Variants in EGF observed in about 807,000 individuals in gnomAD.
The protein encoded by EGF is pro-epidermal growth factor.
In EGF, 95 loss-of-function variants were observed where a neutral mutation model predicts 143.8. The observed-to-expected ratio is 0.66, with a 90% CI of 0.56 to 0.78. The LOEUF (loss-of-function observed/expected upper bound fraction) is 0.78. EGF is among the 30% of genes least tolerant of loss of function. The pLI is 0.00. For missense variants in EGF, 1,320 were observed against 1,470.9 expected (o/e 0.90, Z 1.68); for synonymous variants, 510 against 510.5 (o/e 1.00, Z 0.01).
intron 21 of EGF, among the ~76,000 whole-genome samples, chr4:110,000,283 G>A (rs980330798): frequency 6.7e-6 from 1 of 148,298 alleles, no homozygotes; most frequent in Non-Finnish European, 1.5e-5. Context: ...TGAAATAACA[G>A]TACAATTTTT....
In EGF at chr4:109,980,094, C is replaced by T; in HGVS notation, c.2176C>T (p.Leu726=). 6.2e-7 allele frequency: 1 copy of T among 1,613,456 alleles called. No homozygotes were observed. Among genetic ancestry groups the T allele is most frequent in the South Asian group, 1.1e-5 (1 of 90,906 alleles). Residue 726 remains leucine (L), a synonymous_variant, in exon 14 of 24, where the codon CTG becomes TTG. Coordinates refer to ENST00000265171, the MANE Select transcript of EGF (RefSeq NM_001963.6). The part of the protein sequence containing the change: ...KDRVRLQGSM[L]KPSSLVVVHP... ...TAGAGTACGTCTCCAAGGCAGCATG[C>T]TGAAGCCCTCATCACTGGTTGTGGT... is the stretch of plus-strand genomic sequence containing the variant.
chr4:110,005,900 A>C (rs910684249), intron 22 of EGF, among the ~76,000 whole-genome samples: 1 of 152,174 alleles, frequency 6.6e-6, no homozygotes, highest in Admixed American at 6.5e-5. Context: ...CCTACTCCCC[A>C]GCTCCCATCT....
chr4:109,999,321 C>A (rs1308028458), intron 20 of EGF, among the ~76,000 whole-genome samples: 1 of 152,156 alleles, frequency 6.6e-6, no homozygotes, highest in Non-Finnish European at 1.5e-5. Context: ...ACATTTGTTT[C>A]CAAAACTCCC....
At chr4:109,945,663 T>C (rs966514426) in intron 5 of EGF, among the ~76,000 whole-genome samples, 1 of 152,184 alleles carries the variant, frequency 6.6e-6, no homozygotes, top group Non-Finnish European at 1.5e-5. Context: ...GGGGAATGAA[T>C]AGCTCTCAAA....
At chr4:109,945,584 G>T (rs1742711194) in intron 5 of EGF, among the ~76,000 whole-genome samples, 2 of 151,822 alleles carry the variant, frequency 1.3e-5, no homozygotes, top group African/African-American at 2.4e-5. Context: ...AAAAACGAAA[G>T]AAAGAAAGAA....
chr4:110,000,250 C>CAAAA (rs754279332), intron 21 of EGF, among the ~76,000 whole-genome samples: 3 of 94,028 alleles, frequency 3.2e-5, no homozygotes, highest in African/African-American at 3.6e-5. Flanking sequence ...GACTCCGTGT[C>CAAAA]AAAAAAAAAA....
intron 16 of EGF, among the ~76,000 whole-genome samples, chr4:109,984,366 C>T (rs1175906553): frequency 6.6e-6 from 1 of 152,098 alleles, no homozygotes; most frequent in Non-Finnish European, 1.5e-5. Flanking sequence ...GTACCTCTTA[C>T]CTCACCTTAT....
chr4:109,966,704 C>T (rs1414680597), intron 10 of EGF, among the ~76,000 whole-genome samples: 1 of 151,954 alleles, frequency 6.6e-6, no homozygotes, highest in Non-Finnish European at 1.5e-5. Context: ...CCAACATCTG[C>T]TGTTTTTTAA....
At position 110,012,673 on chromosome 4, in the gene EGF, A is replaced by G. The variant is rs757293370; in HGVS notation, c.*1218A>G. Among the ~76,000 whole-genome samples the G allele has an allele frequency of 2.0e-5, 3 of 152,132 alleles. No homozygotes were observed. The highest frequency in any genetic ancestry group is 4.4e-5 in the Non-Finnish European group (3 of 68,020). On this transcript the variant is annotated 3_prime_UTR_variant, in exon 24 of 24. Coordinates refer to ENST00000265171, the MANE Select transcript of EGF (RefSeq NM_001963.6). ...ATTGTGATTGACTTTCAGCCTCCCA[A>G]CGTATTAGATTATAGGCATTAGCCA...
rs565591152 is a variant in EGF, at chr4:109,926,147, G to C, written c.127+12685G>C. 7.2e-4 allele frequency among the ~76,000 whole-genome samples: 110 copies of C among 152,094 alleles called. 1 individual carries two copies. The highest frequency in any genetic ancestry group is 1.3e-3 in the Non-Finnish European group (87 of 68,010). On this transcript the variant is annotated intron_variant, in intron 1 of 23. Transcript: ENST00000265171. ...AGCAGGAGGATTGCTTGAGGCCAGA[G>C]TTTGTGACCAGCCTAGGCAACATAG... is the stretch of plus-strand genomic sequence containing the variant.
chr4:109,944,247 G>C (rs1046958058), intron 4 of EGF, among the ~76,000 whole-genome samples, 178 bp downstream of exon 4: 8 of 152,204 alleles, frequency 5.3e-5, no homozygotes, highest in African/African-American at 1.9e-4. Context: ...AGACCATCCT[G>C]GCTAACACGG....
At chr4:109,968,253 T>C (rs1308908574) in intron 10 of EGF, among the ~76,000 whole-genome samples, 1 of 152,176 alleles carries the variant, frequency 6.6e-6, no homozygotes, top group Admixed American at 6.5e-5. Flanking sequence ...AAAGGAACTT[T>C]AGCAAATACC....
At chr4:109,987,608 C>T (rs1015820847) in intron 16 of EGF, 136 bp from the exon 17 acceptor site, 22 of 769,472 alleles carry the variant, frequency 2.9e-5, no homozygotes, top group African/African-American at 1.7e-5. Context: ...GTCAACTAAG[C>T]GTTTCTATTT....
intron 1 of EGF, among the ~76,000 whole-genome samples, chr4:109,915,626 T>C (rs1736512036): frequency 6.6e-6 from 1 of 152,226 alleles, no homozygotes; most frequent in South Asian, 2.1e-4. Context: ...CCTTTGTCAG[T>C]CACTGTGTGC....
chr4:110,012,838 CTT>C lies in EGF; in HGVS notation c.*1385_*1386del, dbSNP rs1471166246. Among the ~76,000 whole-genome samples, 4 of 152,176 alleles carry C rather than the reference CTT, an allele frequency of 2.6e-5. No homozygotes were observed. Among genetic ancestry groups the C allele is most frequent in the African/African-American group, 7.2e-5 (3 of 41,444 alleles). On this transcript the variant is annotated 3_prime_UTR_variant, in exon 24 of 24. Coordinates refer to ENST00000265171, the MANE Select transcript of EGF (RefSeq NM_001963.6). ...CAGATAACACAACCTGATATGGTAA[CTT>C]TAAATTTTGGGGGCTTTGAATCATT...
intron 18 of EGF, among the ~76,000 whole-genome samples, chr4:109,989,613 G>A (rs1029661254): frequency 6.6e-6 from 1 of 152,166 alleles, no homozygotes; most frequent in African/African-American, 2.4e-5. Flanking sequence ...ACAGACATCT[G>A]TAAACACTCT....
At chr4:110,007,962 G>T in intron 22 of EGF, among the ~76,000 whole-genome samples, 190 bp from the exon 23 acceptor site, 1 of 152,140 alleles carries the variant, frequency 6.6e-6, no homozygotes, top group Admixed American at 6.6e-5. Context: ...TTAAGACAAA[G>T]TAACACAAGG....
intron 5 of EGF, among the ~76,000 whole-genome samples, chr4:109,951,080 G>T (rs1230648899): frequency 1.3e-5 from 2 of 151,886 alleles, no homozygotes; most frequent in Non-Finnish European, 2.9e-5. Flanking sequence ...GCCAAGGCGG[G>T]TGGATCACTT....
intron 18 of EGF, among the ~76,000 whole-genome samples, chr4:109,989,191 G>C (rs909417652): frequency 4.6e-5 from 7 of 152,162 alleles, no homozygotes; most frequent in Non-Finnish European, 1.0e-4. Flanking sequence ...TCAATAGGTG[G>C]GAGAGTCAAG....
Sources: allele counts gnomAD v4.1 joint callset (sites outside exome capture counted in the v4.1 genomes callset), GRCh38; gene constraint gnomAD v4.1.1; transcripts MANE v1.5; gene names NCBI Gene and HGNC (gene_info 2026-07-23, HGNC 2026-07-21).